The following AMOTL1 variants were observed in gnomAD, a reference collection of about 807,000 sequenced individuals.
AMOTL1 encodes angiomotin-like protein 1.
A neutral mutation model predicts 102.9 loss-of-function variants in AMOTL1; 45 were observed. The ratio of observed to expected loss-of-function variants is 0.44; its 90% confidence interval spans 0.34 to 0.56. The LOEUF (loss-of-function observed/expected upper bound fraction) is 0.56. Ranked by LOEUF, AMOTL1 falls within the 20% of genes least tolerant of loss-of-function variation. AMOTL1 has a pLI of 0.01. For missense variants in AMOTL1, 1,114 were observed against 1,225.6 expected, an observed-to-expected ratio of 0.91 and a Z score of 1.36; for synonymous variants, 481 against 484.7, an observed-to-expected ratio of 0.99 and a Z score of 0.10.
At chr11:94,840,675 T>C (rs1424511845) in intron 6 of AMOTL1, among the ~76,000 whole-genome samples, 9 of 128,198 alleles carry the variant, frequency 7.0e-5, no homozygotes, top group African/African-American at 2.7e-4. Flanking sequence ...TATATATATA[T>C]ATATATACAC....
At chr11:94,817,600 A>G (rs1321525127) in intron 3 of AMOTL1, among the ~76,000 whole-genome samples, 2 of 152,216 alleles carry the variant, frequency 1.3e-5, no homozygotes, top group Non-Finnish European at 2.9e-5. Context: ...ATAAAATTGT[A>G]TGCCATAGAA....
At position 94,830,191 on chromosome 11, in the gene AMOTL1, C is replaced by A. The variant is rs902600953; in HGVS notation, c.1555C>A (p.Arg519=). ...RRLHDFNRDL[R]DRLETANRQL... is the part of the protein sequence containing the mutation. ...ACTTCATGATTTCAACAGAGACCTC[C>A]GAGGCAGGTTTATTCATGTTCTCTC... The change falls in exon 5 of 13, where the codon CGA becomes AGA. Residue 519 remains arginine, a synonymous_variant. Transcript: ENST00000433060. 2.5e-6 allele frequency: 4 copies of A among 1,599,604 alleles called. No individual in the cohort carries two copies. Among genetic ancestry groups the A allele is most frequent in the Non-Finnish European group, 3.4e-6 (4 of 1,174,894 alleles).
chr11:94,734,877 CCATACACA>C (rs1950414291), intron 2 of AMOTL1, among the ~76,000 whole-genome samples: 1 of 152,146 alleles, frequency 6.6e-6, no homozygotes, highest in Non-Finnish European at 1.5e-5. Flanking sequence ...GATGGGAAGG[CCATACACA>C]CATCCTAGTG....
chr11:94,744,446 C>A (rs536940815), intron 3 of AMOTL1, among the ~76,000 whole-genome samples: 1 of 152,116 alleles, frequency 6.6e-6, no homozygotes, highest in Non-Finnish European at 1.5e-5. Context: ...CTCTCCATAC[C>A]TCCTCATTTA....
rs1249306343 is a variant in AMOTL1 at position 94,805,017 on chromosome 11, T to C, written c.1121+4706T>C. Among the ~76,000 whole-genome samples the C allele has an allele frequency of 2.6e-5, 4 of 152,328 alleles. No individual in the cohort carries two copies. The South Asian group carries it at 6.2e-4, about 24-fold the overall frequency. On this transcript the variant is annotated intron_variant, in intron 3 of 12. Transcript: ENST00000433060. ...GGCTTAGAGAGGGAGGTTAACTAAC[T>C]TGATCAAAGCCAGCAGCTTGCAAGT... is the stretch of plus-strand genomic sequence containing the variant.
chr11:94,783,810 A>G (rs1481551353), intron 1 of AMOTL1, among the ~76,000 whole-genome samples: 1 of 152,176 alleles, frequency 6.6e-6, no homozygotes, highest in African/African-American at 2.4e-5. Context: ...GCTCACTGTC[A>G]TATATCTTTG....
intron 2 of AMOTL1, among the ~76,000 whole-genome samples, chr11:94,734,368 C>T (rs538026232): frequency 3.5e-4 from 53 of 152,242 alleles, no homozygotes; most frequent in African/African-American, 1.3e-3. Context: ...TTTCTTTTTC[C>T]TTTTCATCAA....
At chr11:94,804,608 C>T (rs1951537067) in intron 3 of AMOTL1, among the ~76,000 whole-genome samples, 1 of 152,158 alleles carries the variant, frequency 6.6e-6, no homozygotes, top group Admixed American at 6.5e-5. Context: ...TCTTAACTTC[C>T]TATTTGAATT....
At chr11:94,869,133 A>G (rs1233556068) in intron 11 of AMOTL1, 65 bp from the exon 12 acceptor site, 3 of 1,458,328 alleles carry the variant, frequency 2.1e-6, no homozygotes, top group South Asian at 1.5e-5. Flanking sequence ...ACAGATCTGC[A>G]AGACTAGATT....
chr11:94,872,068 G>C lies in AMOTL1; in HGVS notation c.*1273G>C, dbSNP rs1953008954. The C allele has an allele frequency of 6.6e-6, 1 of 152,066 alleles. No homozygotes were observed. Among genetic ancestry groups the C allele is most frequent in the African/African-American group, 2.4e-5 (1 of 41,388 alleles). The allele number at this position is 152,066 out of a possible 1,614,324, so 9.4% of individuals were successfully genotyped here. A position where few individuals can be genotyped will look rare whatever the true frequency, so the allele number is the denominator to read the frequency against. ...GTGAACTTCTTTTGTAACCTACCAG[G>C]CCAGTTGTATATACAGTGTTGTCAG... On this transcript the variant is annotated 3_prime_UTR_variant, in exon 13 of 13. Coordinates refer to ENST00000433060, the MANE Select transcript of AMOTL1 (RefSeq NM_130847.3).
chr11:94,754,982 T>C (rs956895021), intron 3 of AMOTL1, among the ~76,000 whole-genome samples: 3 of 152,176 alleles, frequency 2.0e-5, no homozygotes, highest in African/African-American at 4.8e-5. Context: ...GCTCTTTGCA[T>C]TGGATTTTGG....
At chr11:94,789,511 G>A (rs1418177938) in intron 1 of AMOTL1, among the ~76,000 whole-genome samples, 2 of 152,214 alleles carry the variant, frequency 1.3e-5, no homozygotes, top group Non-Finnish European at 2.9e-5. Context: ...AGGAGGCACT[G>A]CTGCCTGTCA....
intron 1 of AMOTL1, among the ~76,000 whole-genome samples, chr11:94,784,798 A>G (rs528298933): frequency 6.6e-6 from 1 of 152,308 alleles, no homozygotes; most frequent in East Asian, 1.9e-4. Flanking sequence ...TGTCTGTAAA[A>G]GATGGTCCAA....
At position 94,854,179 on chromosome 11, in the gene AMOTL1, C is replaced by G. The variant is rs946448428; in HGVS notation, c.1944+97C>G. 4 of 1,399,710 alleles carry G rather than the reference C, an allele frequency of 2.9e-6. No homozygotes were observed. In the African/African-American group the frequency reaches 5.8e-5, roughly 20 times the overall value. The allele number at this position is 1,399,710 out of a possible 1,614,324, so 86.7% of individuals were successfully genotyped here. A position where few individuals can be genotyped will look rare whatever the true frequency, so the allele number is the denominator to read the frequency against. On this transcript the variant is annotated intron_variant, in intron 8 of 12. Coordinates refer to ENST00000433060, the MANE Select transcript of AMOTL1 (RefSeq NM_130847.3). Reference sequence around the variant, plus strand: ...TGGGCCAGATCCTGCACCTTGCTCCCAGGATTCAGAGGGAAACAAGAACTC... The same window carrying G: ...TGGGCCAGATCCTGCACCTTGCTCCGAGGATTCAGAGGGAAACAAGAACTC...
In AMOTL1 at chr11:94,872,045, G is replaced by A. The variant is rs1179303949; in HGVS notation, c.*1250G>A. On this transcript the variant is annotated 3_prime_UTR_variant, in exon 13 of 13. Coordinates refer to ENST00000433060, the MANE Select transcript of AMOTL1 (RefSeq NM_130847.3). The stretch of plus-strand genomic sequence containing the variant: ...CGTGGCACCAGGTTGCCTCTGTTGT[G>A]AACTTCTTTTGTAACCTACCAGGCC... 3.9e-5 allele frequency: 6 copies of A among 152,094 alleles called. No individual in the cohort carries two copies. Among genetic ancestry groups the A allele is most frequent in the African/African-American group, 1.4e-4 (6 of 41,384 alleles). 9.4% of individuals were successfully genotyped at this position (152,094 alleles called of 1,614,324 possible).
intron 6 of AMOTL1, among the ~76,000 whole-genome samples, chr11:94,841,046 G>A (rs1407167086): frequency 2.6e-5 from 4 of 151,900 alleles, no homozygotes; most frequent in Admixed American, 6.6e-5. Flanking sequence ...TTATATTATG[G>A]CCAGGTTTTA....
intron 10 of AMOTL1, among the ~76,000 whole-genome samples, chr11:94,865,709 G>C (rs1410478949): frequency 6.6e-6 from 1 of 152,098 alleles, no homozygotes; most frequent in Non-Finnish European, 1.5e-5. Context: ...CATTCTAACT[G>C]TACCTCGCTG....
intron 1 of AMOTL1, among the ~76,000 whole-genome samples, chr11:94,787,116 G>A (rs1251132618): frequency 1.3e-5 from 2 of 152,012 alleles, no homozygotes; most frequent in African/African-American, 4.8e-5. Flanking sequence ...TGCATAGAAT[G>A]CTTGGGGAGC....
At chr11:94,855,037 C>G (rs992815712) in intron 8 of AMOTL1, among the ~76,000 whole-genome samples, 1 of 152,172 alleles carries the variant, frequency 6.6e-6, no homozygotes, top group African/African-American at 2.4e-5. Flanking sequence ...CCAGATGAGC[C>G]TGTCCACCAT....
Sources: gnomAD v4.1 joint callset for allele counts (sites outside exome capture counted in the v4.1 genomes callset) on GRCh38, gnomAD v4.1.1 for gene constraint, MANE v1.5 for transcripts, NCBI Gene and HGNC (gene_info 2026-07-23, HGNC 2026-07-21) for gene names.